Variants in SMARCAL1 observed in about 807,000 individuals in gnomAD.
The protein encoded by SMARCAL1 is SNF2 related chromatin remodeling annealing helicase 1, also known as ATP-driven annealing helicase.
SMARCAL1 carries 58 observed loss-of-function variants against 94.5 expected under a neutral mutation model. That is an observed-to-expected ratio of 0.61 (90% CI 0.50 to 0.76). The LOEUF (loss-of-function observed/expected upper bound fraction) is 0.76, where lower values mean the gene tolerates loss of function less well. Ranked by LOEUF, SMARCAL1 falls within the 30% of genes least tolerant of loss-of-function variation. SMARCAL1 has a pLI of 0.00. For synonymous variants in SMARCAL1, 422 were observed against 455.1 expected, an observed-to-expected ratio of 0.93 and a Z score of 0.93; for missense variants, 1,051 against 1,177.9, an observed-to-expected ratio of 0.89 and a Z score of 1.58.
rs1695135119 is a variant in SMARCAL1 at position 216,478,447 on chromosome 2, T to G, written c.2625+148T>G. ...TGAAAACAATGGCCTGCAGTCATTC[T>G]CAGTTGAACCATGCATGCATCGCTT... is the stretch of plus-strand genomic sequence containing the variant. On this transcript the variant is annotated intron_variant, in intron 17 of 17. Coordinates refer to ENST00000357276, the MANE Select transcript of SMARCAL1 (RefSeq NM_014140.4). The G allele has an allele frequency of 4.1e-6, 3 of 724,450 alleles. No homozygotes were observed. In the African/African-American group the frequency reaches 5.2e-5, roughly 13 times the overall value. 44.9% of individuals were successfully genotyped at this position (724,450 alleles called of 1,614,324 possible).
At chr2:216,433,220 T>C (rs915410470) in intron 8 of SMARCAL1, among the ~76,000 whole-genome samples, 18 of 152,094 alleles carry the variant, frequency 1.2e-4, no homozygotes, top group African/African-American at 4.1e-4. Context: ...AATTTTTATT[T>C]ATTTTGAAAC....
intron 3 of SMARCAL1, chr2:216,416,029 G>A (rs1158150243): frequency 2.0e-6 from 1 of 502,184 alleles, no homozygotes; most frequent in Admixed American, 2.8e-5. Flanking sequence ...AGTCCTCTTA[G>A]GTGAAGTTCA....
chr2:216,423,623 G>C lies in SMARCAL1; in HGVS notation c.1097-10G>C. ...TGTCCTATTTGCTTATTTATTTCTT[G>C]TCATTGCAGATGTCAAGACCAGGAA... On this transcript the variant is annotated splice_polypyrimidine_tract_variant and intron_variant, in intron 5 of 17. Transcript: ENST00000357276. The C allele has an allele frequency of 6.2e-7, 1 of 1,612,566 alleles. No homozygotes were observed. The highest frequency in any genetic ancestry group is 8.5e-7 in the Non-Finnish European group (1 of 1,178,588).
rs901659990 is a variant in SMARCAL1, at chr2:216,475,718, G to A, written c.2427+267G>A. The stretch of plus-strand genomic sequence containing the variant: ...CAACCTCCGCCTCCTGGGTTCAAGC[G>A]ATTCCCCTGCCTCAGCCTCCCGAGT... On this transcript the variant is annotated intron_variant, in intron 15 of 17. Transcript: ENST00000357276. The surrounding 1 kb of genome is among the most constrained non-coding windows in gnomAD (Gnocchi z 4.4). 5.9e-5 allele frequency among the ~76,000 whole-genome samples: 9 copies of A among 151,938 alleles called. No individual in the cohort carries two copies. Among genetic ancestry groups the A allele is most frequent in the African/African-American group, 1.2e-4 (5 of 41,340 alleles).
intron 13 of SMARCAL1, among the ~76,000 whole-genome samples, chr2:216,465,219 G>A (rs776913666): frequency 3.1e-4 from 47 of 152,320 alleles, no homozygotes; most frequent in Non-Finnish European, 5.1e-4. Flanking sequence ...TAAGTTGGCC[G>A]GTAACTGGAG....
chr2:216,455,008 T>C (rs1465157009), intron 12 of SMARCAL1, among the ~76,000 whole-genome samples: 1 of 152,234 alleles, frequency 6.6e-6, no homozygotes, highest in Non-Finnish European at 1.5e-5. Flanking sequence ...ACCCTAATAC[T>C]GCGCTTTTCC....
intron 14 of SMARCAL1, among the ~76,000 whole-genome samples, chr2:216,468,422 T>G (rs1475801389): frequency 4.6e-5 from 7 of 152,348 alleles, no homozygotes; most frequent in Non-Finnish European, 1.0e-4. Context: ...TCATTCCTCC[T>G]CAGCACTGTC....
chr2:216,437,547 T>G (rs1399053948), intron 9 of SMARCAL1, among the ~76,000 whole-genome samples: 1 of 152,192 alleles, frequency 6.6e-6, no homozygotes, highest in East Asian at 1.9e-4. Flanking sequence ...TTAGCTCATT[T>G]CAGACTCACA....
At chr2:216,466,634 A>G (rs777003800) in intron 13 of SMARCAL1, among the ~76,000 whole-genome samples, 2 of 151,820 alleles carry the variant, frequency 1.3e-5, no homozygotes, top group Non-Finnish European at 1.5e-5. Flanking sequence ...GTAGAAGGTT[A>G]TAGAACAACA....
chr2:216,438,524 A>C, intron 10 of SMARCAL1, 39 bp downstream of exon 10: 1 of 1,571,278 alleles, frequency 6.4e-7, no homozygotes, highest in Non-Finnish European at 8.8e-7. Flanking sequence ...GAGCATTGGC[A>C]TCCCATAATA....
chr2:216,427,856 G>A (rs1445247754), intron 6 of SMARCAL1, among the ~76,000 whole-genome samples: 3 of 152,144 alleles, frequency 2.0e-5, no homozygotes, highest in African/African-American at 7.2e-5. Flanking sequence ...GAAAACATAT[G>A]ATCACACATG....
At position 216,416,446 on chromosome 2, in the gene SMARCAL1, C is replaced by G. The variant is rs145608464; in HGVS notation, c.862+139C>G. The G allele has an allele frequency of 1.4e-4, 107 of 750,930 alleles. 1 individual carries two copies. In the African/African-American group the frequency reaches 1.6e-3, roughly 11 times the overall value. The allele number at this position is 750,930 out of a possible 1,614,324, so 46.5% of individuals were successfully genotyped here. On this transcript the variant is annotated intron_variant, in intron 4 of 17. Transcript: ENST00000357276. ...CAGGGCACCCCCCCCAACACTCCTT[C>G]CCACTCTGTCTAGCCTAATGAGGCA...
rs961542809 is a variant in SMARCAL1, at chr2:216,438,571, G to C, written c.1710+86G>C. The C allele has an allele frequency of 1.0e-5, 12 of 1,165,774 alleles. No homozygotes were observed. The South Asian group carries it at 1.4e-4, about 14-fold the overall frequency. The allele number at this position is 1,165,774 out of a possible 1,614,324, so 72.2% of individuals were successfully genotyped here. A position where few individuals can be genotyped will look rare whatever the true frequency, so the allele number is the denominator to read the frequency against. ...CTTGCATGTCGTCCTAGTCCAGCAG[G>C]GGTTGCAAGTATAGACCTGTGGGCC... On this transcript the variant is annotated intron_variant, in intron 10 of 17. Transcript: ENST00000357276.
chr2:216,470,237 G>A (rs192868672), intron 14 of SMARCAL1, among the ~76,000 whole-genome samples: 3 of 152,138 alleles, frequency 2.0e-5, no homozygotes, highest in Non-Finnish European at 4.4e-5. Flanking sequence ...TATAGCCTCC[G>A]CCTCCTGGGT....
chr2:216,463,778 C>A (rs1290342039), intron 12 of SMARCAL1, among the ~76,000 whole-genome samples: 1 of 152,204 alleles, frequency 6.6e-6, no homozygotes, highest in Non-Finnish European at 1.5e-5. Context: ...TGCGGTGACT[C>A]ATGCCTGTAA....
At chr2:216,435,813 CCTGGGGGCT>C (rs1694069105) in intron 9 of SMARCAL1, among the ~76,000 whole-genome samples, 1 of 151,420 alleles carries the variant, frequency 6.6e-6, no homozygotes, top group African/African-American at 2.4e-5. Context: ...CCCCAGGCCA[CCTGGGGGCT>C]CTGGGTACTA....
At chr2:216,464,888 G>GC (rs1321510719) in intron 13 of SMARCAL1, among the ~76,000 whole-genome samples, 1 of 152,208 alleles carries the variant, frequency 6.6e-6, no homozygotes, top group Non-Finnish European at 1.5e-5. Flanking sequence ...CTCAATGCCT[G>GC]TAATCCCAGC....
chr2:216,476,567 C>T (rs1695084871), intron 15 of SMARCAL1, among the ~76,000 whole-genome samples: 1 of 152,176 alleles, frequency 6.6e-6, no homozygotes, highest in African/African-American at 2.4e-5. Context: ...CCTGCCTCAG[C>T]CTCCCAAAGT....
In SMARCAL1 at chr2:216,415,394, C is replaced by A. The variant is rs757584821; in HGVS notation, c.690C>A (p.Val230=). Residue 230 remains valine, a synonymous_variant, in exon 3 of 18, where the codon GTC becomes GTA. Transcript: ENST00000357276. ...GRLQQKSGSS[V]QKGVNSQKGK... The stretch of plus-strand genomic sequence containing the variant: ...TCCAGCAGAAGTCAGGGTCCTCAGT[C>A]CAAAAAGGAGTGAACTCTCAGAAGG... 2 of 1,614,024 alleles carry A rather than the reference C, an allele frequency of 1.2e-6. No individual in the cohort carries two copies. The highest frequency in any genetic ancestry group is 2.7e-5 in the African/African-American group (2 of 74,908).
Sources: allele counts gnomAD v4.1 joint callset (sites outside exome capture counted in the v4.1 genomes callset), GRCh38; gene constraint gnomAD v4.1.1; non-coding constraint Gnocchi (gnomAD v3.1); transcripts MANE v1.5; gene names NCBI Gene and HGNC (gene_info 2026-07-23, HGNC 2026-07-21).